Variants in CALD1 observed in about 807,000 individuals in gnomAD.
CALD1 encodes the protein caldesmon.
A neutral mutation model predicts 99.9 loss-of-function variants in CALD1; 33 were observed. The ratio of observed to expected loss-of-function variants is 0.33; its 90% CI spans 0.25 to 0.44. The LOEUF is 0.44. Ranked by LOEUF, CALD1 falls within the 20% of genes least tolerant of loss-of-function variation. The probability of loss-of-function intolerance (pLI) is 1.00; values close to 1 mark genes in which losing one functional copy is unlikely to be tolerated. For missense variants in CALD1, 861 were observed against 962.1 expected (o/e 0.89, Z 1.39); for synonymous variants, 310 against 325.0 (o/e 0.95, Z 0.50).
chr7:134,845,995 T>C (rs1799836873), intron 2 of CALD1, among the ~76,000 whole-genome samples: 3 of 152,204 alleles, frequency 2.0e-5, no homozygotes, highest in Non-Finnish European at 1.5e-5. Context: ...AGCCTTCTCC[T>C]ACCCACCTTT....
intron 1 of CALD1, among the ~76,000 whole-genome samples, chr7:134,763,242 T>C (rs1585902100): frequency 6.6e-6 from 1 of 152,332 alleles, no homozygotes; most frequent in Admixed American, 6.5e-5. Flanking sequence ...TAGATTCCTA[T>C]AAAACATCAG....
chr7:134,718,658 T>C, the CALD1 span, among the ~76,000 whole-genome samples: 7 of 152,284 alleles, frequency 4.6e-5, no homozygotes, highest in African/African-American at 1.7e-4. Context: ...TCAGCTGTTT[T>C]AAAATTAGAG....
At chr7:134,899,061 A>G (rs899537405) in intron 3 of CALD1, among the ~76,000 whole-genome samples, 6 of 152,240 alleles carry the variant, frequency 3.9e-5, no homozygotes, top group African/African-American at 1.4e-4. Context: ...AGATAATTTT[A>G]TCAAGAAGGG....
chr7:134,730,821 G>A, the CALD1 span, among the ~76,000 whole-genome samples: 1 of 152,134 alleles, frequency 6.6e-6, no homozygotes, highest in Non-Finnish European at 1.5e-5. Context: ...GCTGGAATGT[G>A]CCTGGGGGTT....
chr7:134,924,894 G>C (rs1804881031), intron 3 of CALD1, among the ~76,000 whole-genome samples: 1 of 151,956 alleles, frequency 6.6e-6, no homozygotes, highest in South Asian at 2.1e-4. Context: ...TATAAGGGGG[G>C]GCTCTTCCTC....
intron 3 of CALD1, among the ~76,000 whole-genome samples, chr7:134,886,860 G>A (rs1307891139): frequency 1.3e-5 from 2 of 152,124 alleles, no homozygotes; most frequent in African/African-American, 2.4e-5. Flanking sequence ...TAGAATTTTT[G>A]TATACATGTC....
chr7:134,855,808 T>A lies in CALD1; in HGVS notation c.-42+11837T>A, dbSNP rs183148206. Among the ~76,000 whole-genome samples, 341 of 152,326 alleles carry A rather than the reference T, an allele frequency of 2.2e-3. 2 individuals are homozygous for A. The highest frequency in any genetic ancestry group is 7.8e-3 in the African/African-American group (324 of 41,570). On this transcript the variant is annotated intron_variant, in intron 2 of 14. Coordinates refer to ENST00000361675, the MANE Select transcript of CALD1 (RefSeq NM_033138.4). ...AATTGCAAATGTACTCCAAAGAGATTTTAGGTCAGGGAGAAAAACAAGAAA... is the reference window on the plus strand; with the variant it reads ...AATTGCAAATGTACTCCAAAGAGATATTAGGTCAGGGAGAAAAACAAGAAA...
At chr7:134,903,531 G>A (rs551564305) in intron 3 of CALD1, among the ~76,000 whole-genome samples, 5 of 152,254 alleles carry the variant, frequency 3.3e-5, no homozygotes, top group Admixed American at 3.3e-4. Flanking sequence ...GGAAGAATCT[G>A]TTCCATGCCT....
chr7:134,728,653 G>A, the CALD1 span, among the ~76,000 whole-genome samples: 1 of 152,112 alleles, frequency 6.6e-6, no homozygotes, highest in Non-Finnish European at 1.5e-5. Flanking sequence ...TAATTCAAAG[G>A]AAGCATTAGA....
intron 1 of CALD1, among the ~76,000 whole-genome samples, chr7:134,830,597 G>C (rs1799181328): frequency 2.0e-5 from 3 of 151,566 alleles, no homozygotes; most frequent in Admixed American, 1.3e-4. Flanking sequence ...AGTGTGTGTT[G>C]TTCCCCTCTA....
chr7:134,940,235 T>C (rs1217365740), intron 6 of CALD1, among the ~76,000 whole-genome samples: 1 of 152,188 alleles, frequency 6.6e-6, no homozygotes, highest in Non-Finnish European at 1.5e-5. Context: ...TTGAATTCCT[T>C]TACCCCCTCC....
chr7:134,958,626 G>A (rs191202533), intron 11 of CALD1, among the ~76,000 whole-genome samples: 9 of 151,560 alleles, frequency 5.9e-5, no homozygotes, highest in African/African-American at 1.7e-4. Context: ...GGCAGGTCTC[G>A]AATTCCTGAC....
At chr7:134,902,152 GCTTT>G (rs1803046165) in intron 3 of CALD1, among the ~76,000 whole-genome samples, 1 of 152,048 alleles carries the variant, frequency 6.6e-6, no homozygotes, top group Non-Finnish European at 1.5e-5. Flanking sequence ...ATATTGGTTA[GCTTT>G]CTAAGTGAAT....
chr7:134,788,977 T>G (rs2131737692), intron 1 of CALD1, among the ~76,000 whole-genome samples: 1 of 144,042 alleles, frequency 6.9e-6, no homozygotes, highest in East Asian at 2.1e-4. Flanking sequence ...ATTGTACCAC[T>G]GCACTCCACC....
At chr7:134,836,233 C>T (rs1799435078) in intron 1 of CALD1, among the ~76,000 whole-genome samples, 3 of 151,238 alleles carry the variant, frequency 2.0e-5, no homozygotes, top group Non-Finnish European at 4.4e-5. Flanking sequence ...GCCTCCTCAA[C>T]CATGAGGGTT....
chr7:134,768,760 A>AT (rs776731206), intron 1 of CALD1, among the ~76,000 whole-genome samples: 5 of 152,030 alleles, frequency 3.3e-5, no homozygotes, highest in African/African-American at 1.2e-4. Context: ...AACAGATGTA[A>AT]TTTTTTTTCA....
chr7:134,805,808 T>C (rs547605342), intron 1 of CALD1, among the ~76,000 whole-genome samples: 1 of 152,342 alleles, frequency 6.6e-6, no homozygotes, highest in East Asian at 1.9e-4. Flanking sequence ...TTACCCAGGC[T>C]GGAGTGTGGT....
intron 1 of CALD1, among the ~76,000 whole-genome samples, chr7:134,792,066 A>G (rs35390688): frequency 0.018 from 2,751 of 152,276 alleles, 32 homozygotes; most frequent in Non-Finnish European, 0.028. Flanking sequence ...TTGGGTGGGG[A>G]CACAGCCAAA....
chr7:134,855,835 T>C (rs1387551312), intron 2 of CALD1, among the ~76,000 whole-genome samples: 3 of 152,180 alleles, frequency 2.0e-5, no homozygotes, highest in African/African-American at 7.2e-5. Flanking sequence ...AACAAGAAAG[T>C]ATCATTCTTT....
Sources: gnomAD v4.1 joint callset for allele counts (sites outside exome capture counted in the v4.1 genomes callset) on GRCh38, gnomAD v4.1.1 for gene constraint, MANE v1.5 for transcripts, NCBI Gene and HGNC (gene_info 2026-07-23, HGNC 2026-07-21) for gene names.